The following CBLL1 variants were observed in gnomAD, a reference collection of about 807,000 sequenced individuals.
CBLL1 encodes the protein Cbl proto-oncogene like 1.
In CBLL1, 4 loss-of-function variants were observed where a neutral mutation model predicts 44.9. The ratio of observed to expected loss-of-function variants is 0.09; its 90% CI spans 0.04 to 0.20. The LOEUF is 0.20. Among genes scored for constraint, CBLL1 ranks in the 10% least tolerant of loss-of-function variants. CBLL1 has a pLI of 1.00. For missense variants in CBLL1, 569 were observed against 636.7 expected, an observed-to-expected ratio of 0.89 and a Z score of 1.14; for synonymous variants, 235 against 202.2, an observed-to-expected ratio of 1.16 and a Z score of -1.38.
chr7:107,756,978 T>G lies in CBLL1; in HGVS notation c.441-1165T>G, dbSNP rs545371137. ...GCTTCACATCTTGTTAAGGTGGAGA[T>G]AGTTCGGAGTTTACAGTGAACTAGA... On this transcript the variant is annotated intron_variant, in intron 5 of 5. Coordinates refer to ENST00000440859, the MANE Select transcript of CBLL1 (RefSeq NM_024814.4). 1.1e-4 allele frequency among the ~76,000 whole-genome samples: 16 copies of G among 152,236 alleles called. No homozygotes were observed. The South Asian group carries it at 3.3e-3, about 32-fold the overall frequency.
At chr7:107,757,996 T>G (rs1793604261) in intron 5 of CBLL1, 147 bp from the exon 6 acceptor site, 1 of 733,736 alleles carries the variant, frequency 1.4e-6, no homozygotes, top group South Asian at 2.0e-5. Flanking sequence ...GATTAAAGGT[T>G]TGCGTAGAAT....
chr7:107,759,338 G>GGTCA lies in CBLL1; in HGVS notation c.*160_*161insGTCA. The GGTCA allele has an allele frequency of 1.5e-6, 1 of 648,302 alleles. No homozygotes were observed. The highest frequency in any genetic ancestry group is 2.6e-6 in the Non-Finnish European group (1 of 386,272). The allele number at this position is 648,302 out of a possible 1,614,324, so 40.2% of individuals were successfully genotyped here. A position where few individuals can be genotyped will look rare whatever the true frequency, so the allele number is the denominator to read the frequency against. On this transcript the variant is annotated 3_prime_UTR_variant, in exon 6 of 6. Transcript: ENST00000440859. Reference sequence around the variant, plus strand: ...AAATGGTTTTAAATCTTGACCTTAAGATTGATTTCAAGTACCATACTGTAG... The same window carrying GGTCA: ...AAATGGTTTTAAATCTTGACCTTAAGGTCAATTGATTTCAAGTACCATACTGTAG...
intron 5 of CBLL1, among the ~76,000 whole-genome samples, chr7:107,757,659 G>C (rs545435008): frequency 6.6e-6 from 1 of 152,268 alleles, no homozygotes; most frequent in East Asian, 1.9e-4. Context: ...GAACCCTAAT[G>C]ATGAGGCTGA....
At chr7:107,744,261 A>T (rs1792884788) in intron 1 of CBLL1, 85 bp downstream of exon 1, 1 of 1,428,778 alleles carries the variant, frequency 7.0e-7, no homozygotes, top group South Asian at 1.4e-5. Context: ...AAAAGGGATT[A>T]TGCTCGCCCC....
Position 107,759,054 on chromosome 7 carries a change from C to G in CBLL1, c.1352C>G (p.Pro451Arg). ...TTTACACAACCAGGGGGAATGAGTC[C>G]TGGTATATGGCCTGCACCAAGAGGG... ...PPFTQPGGMS[P>R]GIWPAPRGPP... The change falls in exon 6 of 6, where the codon CCT becomes CGT. Residue 451 changes from proline (P) to arginine (R), a missense_variant. Transcript: ENST00000440859. 6.2e-7 allele frequency: 1 copy of G among 1,613,902 alleles called. No individual in the cohort carries two copies. Among genetic ancestry groups the G allele is most frequent in the Non-Finnish European group, 8.5e-7 (1 of 1,179,958 alleles).
chr7:107,748,547 C>CACCT (rs1465147958), intron 1 of CBLL1, among the ~76,000 whole-genome samples: 10 of 152,070 alleles, frequency 6.6e-5, no homozygotes, highest in Non-Finnish European at 1.0e-4. Context: ...TCTTGTAGTT[C>CACCT]AAGACAATGG....
intron 1 of CBLL1, among the ~76,000 whole-genome samples, chr7:107,748,544 G>C: frequency 6.6e-6 from 1 of 152,144 alleles, no homozygotes; most frequent in Middle Eastern, 3.4e-3. Context: ...TTCTCTTGTA[G>C]TTCAAGACAA....
chr7:107,745,752 A>G (rs750320990), intron 1 of CBLL1, among the ~76,000 whole-genome samples: 2 of 152,198 alleles, frequency 1.3e-5, no homozygotes, highest in Non-Finnish European at 2.9e-5. Context: ...TGTGAGAGAA[A>G]GGAGAAATGC....
chr7:107,748,259 A>G (rs1793105648), intron 1 of CBLL1, among the ~76,000 whole-genome samples: 1 of 152,232 alleles, frequency 6.6e-6, no homozygotes, highest in African/African-American at 2.4e-5. Context: ...GTCACATGTT[A>G]TAGCACAAAT....
At chr7:107,750,000 G>C (rs1793212920) in intron 2 of CBLL1, among the ~76,000 whole-genome samples, 1 of 151,994 alleles carries the variant, frequency 6.6e-6, no homozygotes, top group Admixed American at 6.6e-5. Context: ...CTGTTGCCTG[G>C]GCTGGAATGC....
At chr7:107,752,244 G>T (rs901271992) in intron 2 of CBLL1, among the ~76,000 whole-genome samples, 1 of 150,092 alleles carries the variant, frequency 6.7e-6, no homozygotes. Context: ...TCCTTATTTT[G>T]AATTTTAGAT....
chr7:107,758,857 C>A lies in CBLL1; in HGVS notation c.1155C>A (p.Thr385=). The change falls in exon 6 of 6, where the codon ACC becomes ACA. Residue 385 remains threonine, a synonymous_variant. Transcript: ENST00000440859. The surrounding 1 kb of genome is among the most constrained non-coding windows in gnomAD (Gnocchi z 4.2). ...PPMTSAPPPI[T]PPPGHIIAQM... is the part of the protein sequence containing the mutation. Reference sequence around the variant, plus strand: ...TGACCTCTGCTCCACCACCAATAACCCCTCCCCCTGGACATATTATTGCCC... The same window carrying A: ...TGACCTCTGCTCCACCACCAATAACACCTCCCCCTGGACATATTATTGCCC... 1 of 1,613,960 alleles carries A rather than the reference C, an allele frequency of 6.2e-7. No homozygotes were observed. Among genetic ancestry groups the A allele is most frequent in the South Asian group, 1.1e-5 (1 of 91,058 alleles).
rs988564 is a variant in CBLL1 at position 107,748,589 on chromosome 7, G to T, written c.14-291G>T. Among the ~76,000 whole-genome samples, 1,062 of 152,156 alleles carry T rather than the reference G, an allele frequency of 7.0e-3. 8 individuals carry two copies. Among genetic ancestry groups the T allele is most frequent in the Middle Eastern group, 0.014 (4 of 294 alleles). ...GGTTCATTAATGGTTTCATGTTTCT[G>T]TAAACTTCTCTGGAATTATATGAAA... On this transcript the variant is annotated intron_variant, in intron 1 of 5. Coordinates refer to ENST00000440859, the MANE Select transcript of CBLL1 (RefSeq NM_024814.4).
intron 1 of CBLL1, among the ~76,000 whole-genome samples, chr7:107,747,715 A>G (rs1305979075): frequency 6.6e-6 from 1 of 152,112 alleles, no homozygotes; most frequent in East Asian, 1.9e-4. Flanking sequence ...CCCATTTTTA[A>G]TTTTGTTTGG....
chr7:107,747,111 T>G lies in CBLL1; in HGVS notation c.14-1769T>G, dbSNP rs184006764. ...TAGTGCTTTATGCTCTGATTCTTAA[T>G]TTAAAAACAACAAAAAGCAAAAAAG... is the stretch of plus-strand genomic sequence containing the variant. On this transcript the variant is annotated intron_variant, in intron 1 of 5. Transcript: ENST00000440859. Among the ~76,000 whole-genome samples, 9 of 152,308 alleles carry G rather than the reference T, an allele frequency of 5.9e-5. No homozygotes were observed. In the East Asian group the frequency reaches 1.7e-3, roughly 29 times the overall value.
chr7:107,744,189 A>AGGCAGT lies in CBLL1; in HGVS notation c.13+16_13+21dup. The AGGCAGT allele has an allele frequency of 6.5e-7, 1 of 1,548,568 alleles. No individual in the cohort carries two copies. The highest frequency in any genetic ancestry group is 8.7e-7 in the Non-Finnish European group (1 of 1,145,452). Reference sequence around the variant, plus strand: ...ATGGATCACACTGGTAAGGAGGCGGAGGCAGTGGGGGTCCCGGTTCCAAGC... The same window carrying AGGCAGT: ...ATGGATCACACTGGTAAGGAGGCGGAGGCAGTGGCAGTGGGGGTCCCGGTTCCAAGC... On this transcript the variant is annotated intron_variant, in intron 1 of 5. Transcript: ENST00000440859.
At chr7:107,749,791 G>T (rs1187110459) in intron 2 of CBLL1, among the ~76,000 whole-genome samples, 5 of 151,626 alleles carry the variant, frequency 3.3e-5, no homozygotes, top group Non-Finnish European at 7.4e-5. Context: ...TAAAATTTTT[G>T]TTTTGATGTA....
intron 2 of CBLL1, among the ~76,000 whole-genome samples, chr7:107,751,147 G>A (rs1015179565): frequency 7.9e-5 from 12 of 152,162 alleles, no homozygotes; most frequent in Non-Finnish European, 1.8e-4. Flanking sequence ...GCAGGGTGCG[G>A]GGAGTGGTTT....
rs562578803 is a variant in CBLL1 at position 107,751,345 on chromosome 7, C to T, written c.182-2066C>T. ...CTTCCCTCACCTCCTGCTGTGTGGC[C>T]GCATTCCTAACAGGCCAAGGGTACT... is the stretch of plus-strand genomic sequence containing the variant. On this transcript the variant is annotated intron_variant, in intron 2 of 5. Transcript: ENST00000440859. 1.1e-3 allele frequency among the ~76,000 whole-genome samples: 168 copies of T among 152,278 alleles called. 1 individual carries two copies. Among genetic ancestry groups the T allele is most frequent in the African/African-American group, 1.4e-3 (60 of 41,552 alleles).
Sources: allele counts gnomAD v4.1 joint callset (sites outside exome capture counted in the v4.1 genomes callset), GRCh38; gene constraint gnomAD v4.1.1; non-coding constraint Gnocchi (gnomAD v3.1); transcripts MANE v1.5; gene names NCBI Gene and HGNC (gene_info 2026-07-23, HGNC 2026-07-21).